Variants in PPP3CC observed in about 807,000 individuals in gnomAD.
The protein encoded by PPP3CC is protein phosphatase 3 catalytic subunit gamma.
In PPP3CC, 35 loss-of-function variants were observed where a neutral mutation model predicts 60.3. The observed-to-expected ratio is 0.58, with a 90% CI of 0.44 to 0.77. The LOEUF is 0.77. Ranked by LOEUF, PPP3CC falls within the 30% of genes least tolerant of loss-of-function variation. PPP3CC has a pLI of 0.00. For missense variants in PPP3CC, 570 were observed against 628.9 expected, an observed-to-expected ratio of 0.91 and a Z score of 1.00; for synonymous variants, 206 against 224.3, an observed-to-expected ratio of 0.92 and a Z score of 0.73.
At chr8:22,539,445 G>T in intron 12 of PPP3CC, 24 bp from the exon 13 acceptor site, 1 of 1,612,770 alleles carries the variant, frequency 6.2e-7, no homozygotes, top group East Asian at 2.2e-5. Context: ...GTTTTTGCAT[G>T]CTACTGCTCC....
Position 22,469,343 on chromosome 8 carries a change from G to A in PPP3CC, c.50-5611G>A, listed in dbSNP as rs377563300. Among the ~76,000 whole-genome samples, 16 of 152,178 alleles carry A rather than the reference G, an allele frequency of 1.1e-4. No homozygotes were observed. In the South Asian group the frequency reaches 2.3e-3, roughly 22 times the overall value. ...ATAAGAGAGACTGGGAAGGGTGAGT[G>A]GGGGAAAGGGGAAGGATGAAGAGAA... On this transcript the variant is annotated intron_variant, in intron 1 of 13. Transcript: ENST00000240139.
chr8:22,485,576 T>A (rs182463470), intron 3 of PPP3CC, among the ~76,000 whole-genome samples: 1 of 152,254 alleles, frequency 6.6e-6, no homozygotes, highest in Admixed American at 6.5e-5. Flanking sequence ...GGGGGTGACT[T>A]TCAGAGGTCC....
chr8:22,481,345 A>AAAAAATAATAAT (rs899585708), intron 3 of PPP3CC, among the ~76,000 whole-genome samples: 2 of 144,004 alleles, frequency 1.4e-5, no homozygotes, highest in African/African-American at 5.1e-5. Context: ...CAAGAAAAAT[A>AAAAAATAATAAT]AATAATAATA....
At chr8:22,490,778 T>C (rs1838380756) in intron 3 of PPP3CC, among the ~76,000 whole-genome samples, 1 of 152,142 alleles carries the variant, frequency 6.6e-6, no homozygotes, top group East Asian at 1.9e-4. Context: ...ACAAAGGACA[T>C]GAACTCATTA....
intron 13 of PPP3CC, among the ~76,000 whole-genome samples, chr8:22,539,852 C>T (rs1342820955): frequency 6.6e-6 from 1 of 152,212 alleles, no homozygotes; most frequent in African/African-American, 2.4e-5. Context: ...ATAGGTCAGC[C>T]TCTTCAGCGA....
intron 3 of PPP3CC, among the ~76,000 whole-genome samples, chr8:22,477,710 C>T (rs896259229): frequency 2.6e-5 from 4 of 152,126 alleles, no homozygotes; most frequent in South Asian, 2.1e-4. Flanking sequence ...GCGATCATTT[C>T]GTACCTCAGC....
chr8:22,505,173 C>A (rs755865331), intron 4 of PPP3CC, among the ~76,000 whole-genome samples: 7 of 151,802 alleles, frequency 4.6e-5, no homozygotes, highest in Admixed American at 3.9e-4. Context: ...ATTACAGGCA[C>A]GCACCACCAC....
intron 8 of PPP3CC, among the ~76,000 whole-genome samples, chr8:22,525,145 GTC>G (rs34002764): frequency 0.43 from 65,829 of 151,456 alleles, 14,429 homozygotes; most frequent in East Asian, 0.55. Flanking sequence ...GCAAGACCCT[GTC>G]TCTAAAAAAT....
intron 6 of PPP3CC, among the ~76,000 whole-genome samples, chr8:22,519,068 C>G (rs983191577): frequency 2.6e-5 from 4 of 152,124 alleles, no homozygotes; most frequent in Admixed American, 1.3e-4. Flanking sequence ...TGATGTTGGG[C>G]ACATATATAT....
At chr8:22,521,757 A>G (rs1243362111) in intron 6 of PPP3CC, among the ~76,000 whole-genome samples, 1 of 152,182 alleles carries the variant, frequency 6.6e-6, no homozygotes, top group Non-Finnish European at 1.5e-5. Flanking sequence ...TGTATACTCC[A>G]GTTCTTCCTA....
chr8:22,489,308 T>G (rs1029756149), intron 3 of PPP3CC, among the ~76,000 whole-genome samples: 1 of 151,974 alleles, frequency 6.6e-6, no homozygotes, highest in Admixed American at 6.6e-5. Flanking sequence ...CATGGCACAT[T>G]TCTCATCAGT....
intron 13 of PPP3CC, 107 bp from the exon 14 acceptor site, chr8:22,540,508 T>G: frequency 8.9e-7 from 1 of 1,117,566 alleles, no homozygotes. Context: ...ATAGCCACCT[T>G]TCTGTGTGTT....
At chr8:22,445,032 T>C (rs1270074666) in intron 1 of PPP3CC, among the ~76,000 whole-genome samples, 2 of 152,220 alleles carry the variant, frequency 1.3e-5, no homozygotes, top group African/African-American at 2.4e-5. Flanking sequence ...TGTTACTTTA[T>C]GGCCAGATGG....
intron 1 of PPP3CC, among the ~76,000 whole-genome samples, chr8:22,446,097 C>A (rs76362810): frequency 6.6e-6 from 1 of 151,940 alleles, no homozygotes; most frequent in African/African-American, 2.4e-5. Context: ...TTTTGCCTTA[C>A]GTAATTTTTA....
intron 4 of PPP3CC, among the ~76,000 whole-genome samples, chr8:22,500,760 A>C (rs1483195805): frequency 6.6e-6 from 1 of 152,234 alleles, no homozygotes; most frequent in African/African-American, 2.4e-5. Context: ...GCAAGAGGGC[A>C]AGATACAAAT....
chr8:22,527,459 C>G lies in PPP3CC; in HGVS notation c.1011C>G (p.Tyr337Ter), dbSNP rs2117134355. Residue 337 changes from tyrosine to a stop codon, truncating the protein, a stop_gained, in exon 9 of 14, where the codon TAC becomes TAG. Coordinates refer to ENST00000240139, the MANE Select transcript of PPP3CC (RefSeq NM_005605.5). LOFTEE classifies it high-confidence loss of function. ...IRQFNCSPHP[Y>*]WLPNFMDVFT... The stretch of plus-strand genomic sequence containing the variant: ...AGTTTAACTGTTCTCCACACCCCTA[C>G]TGGCTTCCAAACTTTATGGATGTTT... 1 of 1,613,854 alleles carries G rather than the reference C, an allele frequency of 6.2e-7. No individual in the cohort carries two copies. Among genetic ancestry groups the G allele is most frequent in the South Asian group, 1.1e-5 (1 of 91,062 alleles).
chr8:22,538,926 AC>A (rs1839901612), intron 12 of PPP3CC, among the ~76,000 whole-genome samples: 1 of 152,082 alleles, frequency 6.6e-6, no homozygotes, highest in Admixed American at 6.6e-5. Context: ...ATAACCCTTC[AC>A]ATGGAACCTA....
intron 1 of PPP3CC, among the ~76,000 whole-genome samples, chr8:22,471,445 GGATGGTGTAACTGCTATACACCTA>G (rs1837718628): frequency 6.6e-6 from 1 of 151,966 alleles, no homozygotes; most frequent in Non-Finnish European, 1.5e-5. Context: ...ACAGAAACCT[GGATGGTGTAACTGCTATACACCTA>G]GATGGTGTAA....
At chr8:22,522,622 A>T (rs1376340688) in intron 7 of PPP3CC, 33 bp from the exon 8 acceptor site, 1 of 1,589,006 alleles carries the variant, frequency 6.3e-7, no homozygotes, top group African/African-American at 1.3e-5. Context: ...TGCATTTAAT[A>T]TGCAGACAGA....
Sources: gnomAD v4.1 joint callset for allele counts (sites outside exome capture counted in the v4.1 genomes callset) on GRCh38, gnomAD v4.1.1 for gene constraint, MANE v1.5 for transcripts, NCBI Gene and HGNC (gene_info 2026-07-23, HGNC 2026-07-21) for gene names.